The following PAM variants were observed in gnomAD, a reference collection of about 807,000 sequenced individuals.
PAM encodes peptidyl-glycine alpha-amidating monooxygenase.
PAM carries 72 observed loss-of-function variants against 122.1 expected under a neutral mutation model. The ratio of observed to expected loss-of-function variants is 0.59; its 90% confidence interval spans 0.49 to 0.72. The LOEUF is 0.72. Among genes scored for constraint, PAM ranks in the 30% least tolerant of loss-of-function variants. The pLI is 0.00. For missense variants in PAM, 1,106 were observed against 1,183.7 expected, an observed-to-expected ratio of 0.93 and a Z score of 0.96; for synonymous variants, 389 against 404.4, an observed-to-expected ratio of 0.96 and a Z score of 0.46.
At chr5:102,988,939 T>C (rs190306674) in intron 15 of PAM, among the ~76,000 whole-genome samples, 2 of 152,350 alleles carry the variant, frequency 1.3e-5, no homozygotes, top group East Asian at 1.9e-4. Context: ...GCTGATCATA[T>C]AAGCTTTGAG....
chr5:102,938,164 G>T (rs1024872639), intron 7 of PAM, among the ~76,000 whole-genome samples: 7 of 152,132 alleles, frequency 4.6e-5, no homozygotes, highest in African/African-American at 1.7e-4. Context: ...TTATCCTTCA[G>T]TATTTTTTTC....
chr5:103,019,651 G>A (rs1783001336), intron 22 of PAM, 139 bp from the exon 23 acceptor site: 1 of 649,822 alleles, frequency 1.5e-6, no homozygotes, highest in East Asian at 2.8e-5. Context: ...GGTTTGTATT[G>A]AACTCTTTCC....
intron 14 of PAM, among the ~76,000 whole-genome samples, chr5:102,970,684 G>A (rs1007866092): frequency 1.3e-5 from 2 of 152,188 alleles, no homozygotes; most frequent in African/African-American, 2.4e-5. Context: ...AAGAGATGGA[G>A]AAGGTACAGA....
intron 21 of PAM, among the ~76,000 whole-genome samples, chr5:103,011,273 GTTTAT>G (rs1780520369): frequency 2.6e-5 from 4 of 151,936 alleles, no homozygotes; most frequent in Admixed American, 2.6e-4. Flanking sequence ...AATATTTGTT[GTTTAT>G]TTTGATTTTT....
intron 12 of PAM, among the ~76,000 whole-genome samples, chr5:102,951,369 A>G (rs1472352698): frequency 1.3e-5 from 2 of 152,086 alleles, no homozygotes; most frequent in African/African-American, 4.8e-5. Context: ...CTATAACACT[A>G]CATAAAATTT....
At position 103,029,451 on chromosome 5, in the gene PAM, C is replaced by T. The variant is rs1237045233; in HGVS notation, c.*386C>T. ...CATTGCCAGTGTCTTTCTTTGGTGC[C>T]TTTCCTGTTCAGCATTCTTAGCCTG... On this transcript the variant is annotated 3_prime_UTR_variant, in exon 26 of 26. Transcript: ENST00000438793. The T allele has an allele frequency of 6.3e-6, 1 of 158,850 alleles. No individual in the cohort carries two copies. The highest frequency in any genetic ancestry group is 1.4e-5 in the Non-Finnish European group (1 of 72,508). The allele number at this position is 158,850 out of a possible 1,614,324, so 9.8% of individuals were successfully genotyped here. A position where few individuals can be genotyped will look rare whatever the true frequency, so the allele number is the denominator to read the frequency against.
rs115569726 is a variant in PAM, at chr5:102,880,557, C to T, written c.210+13164C>T. ...GACTTAGCTACTTAGAAATTAAGGA[C>T]CATTTTTTCTGCACAATCCCTGGAA... On this transcript the variant is annotated intron_variant, in intron 3 of 25. Transcript: ENST00000438793. 1.9e-3 allele frequency among the ~76,000 whole-genome samples: 291 copies of T among 152,132 alleles called. 1 individual carries two copies. Among genetic ancestry groups the T allele is most frequent in the African/African-American group, 6.7e-3 (278 of 41,530 alleles).
At chr5:102,896,090 G>T (rs1330471669) in intron 3 of PAM, 1 of 151,656 alleles carries the variant, frequency 6.6e-6, no homozygotes, top group East Asian at 1.9e-4. Flanking sequence ...TGTATGATAG[G>T]CAATTAATGA....
At chr5:102,985,207 A>G (rs749787286) in intron 15 of PAM, among the ~76,000 whole-genome samples, 13 of 152,014 alleles carry the variant, frequency 8.6e-5, no homozygotes, top group Non-Finnish European at 1.5e-4. Flanking sequence ...CAAAATTAGT[A>G]ATAGGAAAGA....
At chr5:102,865,434 GGTCATTTGTGTGAT>G (rs1270757754) in intron 1 of PAM, 3 of 152,166 alleles carry the variant, frequency 2.0e-5, no homozygotes, top group Admixed American at 1.3e-4. Flanking sequence ...CGCCTTAGCC[GGTCATTTGTGTGAT>G]GTTTACATTC....
intron 1 of PAM, among the ~76,000 whole-genome samples, chr5:102,825,124 A>G (rs1442783396): frequency 6.6e-6 from 1 of 152,202 alleles, no homozygotes; most frequent in Non-Finnish European, 1.5e-5. Flanking sequence ...CTCTTTTGTA[A>G]CTTAACAGAA....
chr5:102,952,063 T>C (rs1362752802), intron 12 of PAM, among the ~76,000 whole-genome samples: 3 of 152,154 alleles, frequency 2.0e-5, no homozygotes, highest in African/African-American at 7.2e-5. Context: ...ATAGGTAGTT[T>C]ACTTAAATGC....
chr5:102,871,226 T>A (rs1787321617), intron 3 of PAM, among the ~76,000 whole-genome samples: 1 of 152,184 alleles, frequency 6.6e-6, no homozygotes, highest in Non-Finnish European at 1.5e-5. Context: ...TATCCCACAC[T>A]ACCAAGGTTG....
intron 3 of PAM, among the ~76,000 whole-genome samples, chr5:102,880,307 C>G (rs1311640250): frequency 6.6e-6 from 1 of 151,536 alleles, no homozygotes; most frequent in Non-Finnish European, 1.5e-5. Context: ...TGACATATGA[C>G]TGCATTTAAC....
At chr5:102,971,855 CTCTT>C (rs1418199149) in intron 14 of PAM, among the ~76,000 whole-genome samples, 2 of 152,078 alleles carry the variant, frequency 1.3e-5, no homozygotes, top group Non-Finnish European at 2.9e-5. Flanking sequence ...GAGGAAAAAA[CTCTT>C]TCTGGTTTGC....
At chr5:103,007,404 A>T in intron 19 of PAM, 53 bp from the exon 20 acceptor site, 2 of 1,480,730 alleles carry the variant, frequency 1.4e-6, no homozygotes, top group Non-Finnish European at 1.9e-6. Context: ...TAGAGAGTCA[A>T]ACTTTGGGTG....
chr5:102,908,483 C>T (rs1316354842), intron 4 of PAM, among the ~76,000 whole-genome samples: 2 of 149,386 alleles, frequency 1.3e-5, no homozygotes, highest in African/African-American at 2.5e-5. Flanking sequence ...TATGAACCAC[C>T]GCATATTCTC....
At chr5:102,975,897 G>A (rs1767479813) in intron 15 of PAM, among the ~76,000 whole-genome samples, 3 of 152,108 alleles carry the variant, frequency 2.0e-5, no homozygotes, top group African/African-American at 7.2e-5. Context: ...GTCATTTGTA[G>A]GCATCAAGAG....
At chr5:102,918,111 T>C (rs534572269) in intron 5 of PAM, among the ~76,000 whole-genome samples, 62 of 152,224 alleles carry the variant, frequency 4.1e-4, no homozygotes, top group African/African-American at 1.4e-3. Context: ...AACATACCTC[T>C]AGAGGTTGCA....
Sources: gnomAD v4.1 joint callset for allele counts (sites outside exome capture counted in the v4.1 genomes callset) on GRCh38, gnomAD v4.1.1 for gene constraint, MANE v1.5 for transcripts, NCBI Gene and HGNC (gene_info 2026-07-23, HGNC 2026-07-21) for gene names.